The following PALLD variants were observed in gnomAD, a reference collection of about 807,000 sequenced individuals.
The protein encoded by PALLD is palladin.
A neutral mutation model predicts 123.5 loss-of-function variants in PALLD; 61 were observed. That is an observed-to-expected ratio of 0.49 (90% CI 0.40 to 0.61). The LOEUF (loss-of-function observed/expected upper bound fraction) is 0.61, where lower values mean the gene tolerates loss of function less well. Ranked by LOEUF, PALLD falls within the 20% of genes least tolerant of loss-of-function variation. The pLI, the probability that PALLD is intolerant of heterozygous loss-of-function variation, is 0.00. For missense variants in PALLD, 1,273 were observed against 1,377.0 expected (o/e 0.92, Z 1.20); for synonymous variants, 465 against 496.4 (o/e 0.94, Z 0.84).
At chr4:168,609,313 G>A (rs558860970) in intron 2 of PALLD, among the ~76,000 whole-genome samples, 1 of 127,302 alleles carries the variant, frequency 7.9e-6, no homozygotes, top group Non-Finnish European at 1.6e-5. Context: ...TGGAGGACGA[G>A]GAGATAAGAA....
chr4:168,593,019 TA>T lies in PALLD; in HGVS notation c.909-75159del, dbSNP rs56352629. ...ATGCAATGTCATTTGCCTCTTCCTT[TA>T]AAAAAAAAAAAGTCAACTATGCAAA... On this transcript the variant is annotated intron_variant, in intron 2 of 21. Transcript: ENST00000505667. 3.6e-3 allele frequency among the ~76,000 whole-genome samples: 537 copies of T among 148,124 alleles called. 21 individuals carry two copies. The East Asian group carries it at 0.061, about 17-fold the overall frequency.
intron 2 of PALLD, among the ~76,000 whole-genome samples, chr4:168,520,505 C>T (rs1323753507): frequency 6.6e-6 from 1 of 152,084 alleles, no homozygotes; most frequent in Non-Finnish European, 1.5e-5. Flanking sequence ...TTCTTAACCG[C>T]TGTTTTCATC....
chr4:168,825,409 A>T (rs1287205608), intron 10 of PALLD, among the ~76,000 whole-genome samples: 1 of 152,222 alleles, frequency 6.6e-6, no homozygotes, highest in Non-Finnish European at 1.5e-5. Context: ...CTTTAACTTC[A>T]GCACTGAAGC....
chr4:168,527,986 A>G lies in PALLD; in HGVS notation c.908+15574A>G, dbSNP rs141958073. On this transcript the variant is annotated intron_variant, in intron 2 of 21. Coordinates refer to ENST00000505667, the MANE Select transcript of PALLD (RefSeq NM_001166108.2). ...CACCTTCTGTTCCTTTAGGGTTAAG[A>G]GTGGTAGCAATTCTGCTTTGTAGTC... Among the ~76,000 whole-genome samples, 17 of 152,292 alleles carry G rather than the reference A, an allele frequency of 1.1e-4. No homozygotes were observed. The East Asian group carries it at 3.3e-3, about 29-fold the overall frequency.
chr4:168,676,409 T>C (rs1318256109), intron 3 of PALLD, among the ~76,000 whole-genome samples: 5 of 151,968 alleles, frequency 3.3e-5, no homozygotes, highest in African/African-American at 1.2e-4. Flanking sequence ...AGAAAGGATG[T>C]ATTTATTCCT....
intron 2 of PALLD, among the ~76,000 whole-genome samples, chr4:168,531,773 C>T (rs775223901): frequency 2.0e-5 from 3 of 152,180 alleles, no homozygotes; most frequent in Non-Finnish European, 4.4e-5. Flanking sequence ...ACAAAAACAG[C>T]TGCCCTACAG....
intron 2 of PALLD, among the ~76,000 whole-genome samples, chr4:168,649,317 C>G (rs1777802713): frequency 6.6e-6 from 1 of 152,148 alleles, no homozygotes; most frequent in South Asian, 2.1e-4. Flanking sequence ...AAAACAATTG[C>G]TAACATTTGT....
At chr4:168,579,128 T>A (rs1561268037) in intron 2 of PALLD, among the ~76,000 whole-genome samples, 3 of 152,174 alleles carry the variant, frequency 2.0e-5, no homozygotes, top group Non-Finnish European at 4.4e-5. Flanking sequence ...TTGCTTTCAA[T>A]CCCTAGAAAG....
At chr4:168,879,756 A>T (rs1351486833) in intron 10 of PALLD, among the ~76,000 whole-genome samples, 1 of 152,228 alleles carries the variant, frequency 6.6e-6, no homozygotes, top group African/African-American at 2.4e-5. Context: ...ATATATAAAG[A>T]AACAAGTCCA....
At chr4:168,657,757 G>A (rs956613973) in intron 2 of PALLD, among the ~76,000 whole-genome samples, 3 of 152,152 alleles carry the variant, frequency 2.0e-5, no homozygotes, top group Admixed American at 6.5e-5. Context: ...TTCTTTGCCA[G>A]CCACATGTAC....
intron 15 of PALLD, among the ~76,000 whole-genome samples, chr4:168,909,079 T>A (rs1758380528): frequency 6.6e-6 from 1 of 152,164 alleles, no homozygotes; most frequent in Non-Finnish European, 1.5e-5. Flanking sequence ...AGCAAAATAA[T>A]GAGTGACTGT....
intron 8 of PALLD, among the ~76,000 whole-genome samples, chr4:168,691,709 A>C (rs1263103738): frequency 6.6e-6 from 1 of 152,182 alleles, no homozygotes; most frequent in Admixed American, 6.5e-5. Flanking sequence ...AAATGAGAGC[A>C]GCTCAAAGAG....
At chr4:168,507,096 C>T (rs1466119429) in intron 1 of PALLD, among the ~76,000 whole-genome samples, 66 of 152,112 alleles carry the variant, frequency 4.3e-4, no homozygotes, top group Non-Finnish European at 2.2e-4. Flanking sequence ...ATCTCCTAGA[C>T]ATCAACACCA....
intron 2 of PALLD, among the ~76,000 whole-genome samples, chr4:168,621,312 T>A (rs887795440): frequency 2.0e-5 from 3 of 152,212 alleles, no homozygotes; most frequent in African/African-American, 7.2e-5. Context: ...CTAAAACTTT[T>A]CCAGATGTAC....
At chr4:168,904,286 A>G (rs1039710027) in intron 15 of PALLD, 3 of 218,166 alleles carry the variant, frequency 1.4e-5, no homozygotes, top group Non-Finnish European at 2.8e-5. Context: ...AGTGAGTGGC[A>G]TGCATAGGCT....
intron 1 of PALLD, among the ~76,000 whole-genome samples, chr4:168,499,915 CACAA>C (rs1474823827): frequency 1.3e-5 from 2 of 151,994 alleles, no homozygotes; most frequent in South Asian, 2.1e-4. Flanking sequence ...CAAAGTATTT[CACAA>C]ACAGACTTCA....
At chr4:168,839,446 G>T (rs767868736) in intron 10 of PALLD, among the ~76,000 whole-genome samples, 32 of 152,040 alleles carry the variant, frequency 2.1e-4, no homozygotes, top group Non-Finnish European at 4.1e-4. Context: ...AGCTACTTGC[G>T]GTTAGAATAA....
chr4:168,672,623 T>C (rs1780402676), intron 3 of PALLD, among the ~76,000 whole-genome samples: 1 of 152,124 alleles, frequency 6.6e-6, no homozygotes, highest in South Asian at 2.1e-4. Context: ...CACGCCCGTC[T>C]AATTTTTTGT....
chr4:168,907,382 C>T (rs1326510470), intron 15 of PALLD, among the ~76,000 whole-genome samples: 2 of 152,152 alleles, frequency 1.3e-5, no homozygotes, highest in Non-Finnish European at 2.9e-5. Flanking sequence ...AATTTCTACC[C>T]AGTATGTTGT....
Sources: allele counts gnomAD v4.1 joint callset (sites outside exome capture counted in the v4.1 genomes callset), GRCh38; gene constraint gnomAD v4.1.1; transcripts MANE v1.5; gene names NCBI Gene and HGNC (gene_info 2026-07-23, HGNC 2026-07-21).